Variants in RAB35 observed in about 807,000 individuals in gnomAD.
RAB35 encodes RAB35, member RAS oncogene family.
A neutral mutation model predicts 28.9 loss-of-function variants in RAB35; 4 were observed. The ratio of observed to expected loss-of-function variants is 0.14; its 90% confidence interval spans 0.07 to 0.32. RAB35 has a LOEUF of 0.32. Among genes scored for constraint, RAB35 ranks in the 10% least tolerant of loss-of-function variants. The pLI, the probability that RAB35 is intolerant of heterozygous loss-of-function variation, is 1.00. For missense variants in RAB35, 128 were observed against 274.0 expected (o/e 0.47, Z 3.76); for synonymous variants, 99 against 105.1 (o/e 0.94, Z 0.35).
chr12:120,097,275 C>T lies in RAB35; in HGVS notation c.576G>A (p.Lys192=). The part of the protein sequence containing the change: ...QQQNDVVKLT[K]NSKRKKRCC ...AGCAGCGTTTCTTTCGTTTACTGTT[C>T]TTCGTGAGCTTCACCACATCGTTCT... Residue 192 remains lysine, a synonymous_variant, in exon 6 of 6, where the codon AAG becomes AAA. Coordinates refer to ENST00000229340, the MANE Select transcript of RAB35 (RefSeq NM_006861.7). 6.2e-7 allele frequency: 1 copy of T among 1,614,046 alleles called. No homozygotes were observed. The highest frequency in any genetic ancestry group is 8.5e-7 in the Non-Finnish European group (1 of 1,180,046).
At chr12:120,116,316 G>C (rs987987569) in intron 1 of RAB35, among the ~76,000 whole-genome samples, 1 of 152,148 alleles carries the variant, frequency 6.6e-6, no homozygotes, top group African/African-American at 2.4e-5. Context: ...TCGAACCCAC[G>C]TCTCTCCAAC....
chr12:120,098,424 G>C (rs1875523207), intron 5 of RAB35, among the ~76,000 whole-genome samples: 1 of 152,378 alleles, frequency 6.6e-6, no homozygotes, highest in South Asian at 2.1e-4. Flanking sequence ...CCCTGAAGCA[G>C]TGGGATCCTC....
intron 1 of RAB35, among the ~76,000 whole-genome samples, chr12:120,116,230 A>T (rs1365232715): frequency 6.6e-6 from 1 of 152,196 alleles, no homozygotes; most frequent in Non-Finnish European, 1.5e-5. Context: ...CCCACTTCTC[A>T]GATGAGGGAA....
At chr12:120,107,723 C>T (rs536658370) in intron 2 of RAB35, among the ~76,000 whole-genome samples, 2 of 151,622 alleles carry the variant, frequency 1.3e-5, no homozygotes, top group Non-Finnish European at 2.9e-5. Flanking sequence ...AAAAATTAGT[C>T]GGGCGTGGTG....
rs1876351531 is a variant in RAB35, at chr12:120,116,620, G to C, written c.31C>G (p.Leu11Val). MARDYDHLFK[L>V]LIIGDSGVGK... ...TCACCGCTGTCGCCGATGATGAGCA[G>C]CTTGAAGAGGTGGTCGTAGTCCCGG... Residue 11 changes from leucine to valine, a missense_variant, in exon 1 of 6, where the codon CTG becomes GTG. Transcript: ENST00000229340. 8.2e-7 allele frequency: 1 copy of C among 1,220,336 alleles called. No homozygotes were observed. Among genetic ancestry groups the C allele is most frequent in the Non-Finnish European group, 1.0e-6 (1 of 980,546 alleles). 75.6% of individuals were successfully genotyped at this position (1,220,336 alleles called of 1,614,324 possible). A position where few individuals can be genotyped will look rare whatever the true frequency, so the allele number is the denominator to read the frequency against.
rs751447036 is a variant in RAB35, at chr12:120,097,152, G to A, written c.*93C>T. ...ACATGGAGAGAATTCTTTAAATAAC[G>A]GCACGAAACTGAGACTGTCCCCCGA... On this transcript the variant is annotated 3_prime_UTR_variant, in exon 6 of 6. Transcript: ENST00000229340. The A allele has an allele frequency of 2.4e-5, 38 of 1,610,934 alleles. No individual in the cohort carries two copies. In the African/African-American group the frequency reaches 3.3e-4, roughly 14 times the overall value.
At chr12:120,110,088 T>A (rs1166892557) in intron 1 of RAB35, among the ~76,000 whole-genome samples, 3 of 152,132 alleles carry the variant, frequency 2.0e-5, no homozygotes, top group Non-Finnish European at 4.4e-5. Context: ...GCCGGACTCC[T>A]CCAGAGTGCT....
chr12:120,112,063 A>C (rs1594246354), intron 1 of RAB35, among the ~76,000 whole-genome samples: 2 of 147,540 alleles, frequency 1.4e-5, no homozygotes, highest in African/African-American at 2.5e-5. Context: ...TGCAACCTCC[A>C]CCTCCCAGAT....
rs752879106 is a variant in RAB35, at chr12:120,099,088, G to A, written c.294C>T (p.Asn98=). The change falls in exon 4 of 6, where the codon AAC becomes AAT. Residue 98 remains asparagine (N), a synonymous_variant. Coordinates refer to ENST00000229340, the MANE Select transcript of RAB35 (RefSeq NM_006861.7). ...YDVTSAESFV[N]VKRWLHEINQ... is the part of the protein sequence containing the mutation. The stretch of plus-strand genomic sequence containing the variant: ...TGATTTCGTGAAGCCACCGCTTGAC[G>A]TTGACAAAGGACTCGGCACTGGTGA... The A allele has an allele frequency of 6.2e-6, 10 of 1,614,250 alleles. No individual in the cohort carries two copies. In the Admixed American group the frequency reaches 8.3e-5, roughly 13 times the overall value.
Position 120,096,339 on chromosome 12 carries a change from G to T in RAB35, c.*906C>A. The T allele has an allele frequency of 9.2e-7, 1 of 1,090,544 alleles. No homozygotes were observed. The highest frequency in any genetic ancestry group is 1.2e-6 in the Non-Finnish European group (1 of 840,170). The allele number at this position is 1,090,544 out of a possible 1,614,324, so 67.6% of individuals were successfully genotyped here. ...GGGTGGCCTCAACTTTTGCTGCTGT[G>T]CCAATCAAACCTCAGGGAAAGAAAA... On this transcript the variant is annotated 3_prime_UTR_variant, in exon 6 of 6. Transcript: ENST00000229340.
At chr12:120,110,309 A>C (rs1170822416) in intron 1 of RAB35, among the ~76,000 whole-genome samples, 1 of 8,458 alleles carries the variant, frequency 1.2e-4, no homozygotes, top group African/African-American at 4.0e-4. Context: ...TTTTTTGGAG[A>C]GATAGGGCCT....
intron 1 of RAB35, 43 bp downstream of exon 1, chr12:120,116,556 G>A (rs2139067094): frequency 9.4e-7 from 1 of 1,062,182 alleles, no homozygotes; most frequent in Non-Finnish European, 1.1e-6. Flanking sequence ...CGCGGGCCGC[G>A]CCCGGCAGGG....
At chr12:120,108,361 G>A in intron 2 of RAB35, 56 bp downstream of exon 2, 2 of 1,504,554 alleles carry the variant, frequency 1.3e-6, no homozygotes, top group East Asian at 4.6e-5. Flanking sequence ...CCAGGGAGGG[G>A]ATGTCAACAA....
intron 1 of RAB35, among the ~76,000 whole-genome samples, chr12:120,115,512 T>A (rs1876293345): frequency 6.6e-6 from 1 of 152,156 alleles, no homozygotes; most frequent in East Asian, 1.9e-4. Context: ...CCCATAAACC[T>A]TCTGGGGCCT....
In RAB35 at chr12:120,103,088, G is replaced by A. The variant is rs1447610417; in HGVS notation, c.227+738C>T. Among the ~76,000 whole-genome samples, 2 of 152,222 alleles carry A rather than the reference G, an allele frequency of 1.3e-5. No individual in the cohort carries two copies. The highest frequency in any genetic ancestry group is 1.9e-4 in the East Asian group (1 of 5,194). The stretch of plus-strand genomic sequence containing the variant: ...CCCAGAGGCAGGCCCTCCAGGAAAC[G>A]AGCGCAGAGAGCTTCGGCAACTTGC... On this transcript the variant is annotated intron_variant, in intron 3 of 5. Transcript: ENST00000229340. This position sits in a 1 kb window ranked among gnomAD's most constrained non-coding sequence, Gnocchi z 6.1.
At chr12:120,105,241 AATAGCTGAGG>A (rs1308382216) in intron 2 of RAB35, among the ~76,000 whole-genome samples, 1 of 152,182 alleles carries the variant, frequency 6.6e-6, no homozygotes, top group Non-Finnish European at 1.5e-5. Context: ...CTCAAAAGCA[AATAGCTGAGG>A]ATGATACGCA....
Position 120,103,688 on chromosome 12 carries a change from T to A in RAB35, c.227+138A>T. ...AAGGGTGCAGCCAAACGCCACCTAC[T>A]ACAGCCAACAACAGGCTCACTTCCC... On this transcript the variant is annotated intron_variant, in intron 3 of 5. Transcript: ENST00000229340. The surrounding 1 kb of genome is among the most constrained non-coding windows in gnomAD (Gnocchi z 6.1). 7.6e-7 allele frequency: 1 copy of A among 1,307,216 alleles called. No homozygotes were observed. The highest frequency in any genetic ancestry group is 1.1e-6 in the Non-Finnish European group (1 of 946,942). The allele number at this position is 1,307,216 out of a possible 1,614,324, so 81.0% of individuals were successfully genotyped here. A position where few individuals can be genotyped will look rare whatever the true frequency, so the allele number is the denominator to read the frequency against.
chr12:120,100,890 C>T (rs1481630344), intron 3 of RAB35, among the ~76,000 whole-genome samples: 1 of 152,222 alleles, frequency 6.6e-6, no homozygotes. Flanking sequence ...GCCGGAGCCA[C>T]AGGAACAGGC....
rs144187382 is a variant in RAB35, at chr12:120,115,942, A to C, written c.52+657T>G. 4.3e-3 allele frequency among the ~76,000 whole-genome samples: 649 copies of C among 152,288 alleles called. 3 individuals carry two copies. Among genetic ancestry groups the C allele is most frequent in the African/African-American group, 0.013 (560 of 41,560 alleles). On this transcript the variant is annotated intron_variant, in intron 1 of 5. Coordinates refer to ENST00000229340, the MANE Select transcript of RAB35 (RefSeq NM_006861.7). ...TATCATTCCATCTTACAGATGAGGA[A>C]ACTGAACCACGCAGGGATATAATAA...
Sources: allele counts gnomAD v4.1 joint callset (sites outside exome capture counted in the v4.1 genomes callset), GRCh38; gene constraint gnomAD v4.1.1; non-coding constraint Gnocchi (gnomAD v3.1); transcripts MANE v1.5; gene names NCBI Gene and HGNC (gene_info 2026-07-23, HGNC 2026-07-21).